Variants in HNRNPC observed in about 807,000 individuals in gnomAD.
HNRNPC encodes the protein heterogeneous nuclear ribonucleoprotein C, also known as heterogeneous nuclear ribonucleoproteins C1/C2.
In HNRNPC, 3 loss-of-function variants were observed where a neutral mutation model predicts 33.2. The ratio of observed to expected loss-of-function variants is 0.09; its 90% CI spans 0.04 to 0.23. The LOEUF (loss-of-function observed/expected upper bound fraction) is 0.23, where lower values mean the gene tolerates loss of function less well. HNRNPC is among the 10% of genes least tolerant of loss of function. The pLI, the probability that HNRNPC is intolerant of heterozygous loss-of-function variation, is 1.00. For missense variants in HNRNPC, 143 were observed against 366.7 expected (o/e 0.39, Z 4.98); for synonymous variants, 121 against 126.7 (o/e 0.96, Z 0.30).
At position 21,256,861 on chromosome 14, in the gene HNRNPC, C is replaced by G. The variant is rs371442183; in HGVS notation, c.-37+6450G>C. On this transcript the variant is annotated intron_variant, in intron 2 of 8. Coordinates refer to ENST00000553300, the MANE Select transcript of HNRNPC (RefSeq NM_004500.4). ...AAGAGACAGGGTTTCACCATGTTGCCCAGGCCGGTCTCAAACCCCTGAGCT... is the reference window on the plus strand; with the variant it reads ...AAGAGACAGGGTTTCACCATGTTGCGCAGGCCGGTCTCAAACCCCTGAGCT... Among the ~76,000 whole-genome samples, 9 of 152,200 alleles carry G rather than the reference C, an allele frequency of 5.9e-5. No individual in the cohort carries two copies. In the East Asian group the frequency reaches 1.2e-3, roughly 20 times the overall value.
chr14:21,213,339 T>C, intron 5 of HNRNPC: 1 of 496,998 alleles, frequency 2.0e-6, no homozygotes, highest in Non-Finnish European at 3.6e-6. Flanking sequence ...TGTAGCAACT[T>C]TTCCTCAGGA....
chr14:21,235,043 C>T (rs1321746028), intron 2 of HNRNPC, among the ~76,000 whole-genome samples: 1 of 152,166 alleles, frequency 6.6e-6, no homozygotes, highest in Non-Finnish European at 1.5e-5. Flanking sequence ...GAAAAATACA[C>T]AACTTTCCAC....
chr14:21,221,555 G>A (rs958367882), intron 5 of HNRNPC, among the ~76,000 whole-genome samples: 13 of 152,064 alleles, frequency 8.5e-5, no homozygotes, highest in African/African-American at 2.7e-4. Flanking sequence ...TCTACAAAAC[G>A]ACTTAGCACA....
chr14:21,214,684 T>A (rs1348841186), intron 5 of HNRNPC, among the ~76,000 whole-genome samples: 1 of 152,238 alleles, frequency 6.6e-6, no homozygotes, highest in Non-Finnish European at 1.5e-5. Context: ...ACTGAGTAAC[T>A]TTTTATTATC....
chr14:21,268,576 C>T (rs1361500746), intron 1 of HNRNPC: 1 of 152,182 alleles, frequency 6.6e-6, no homozygotes, highest in African/African-American at 2.4e-5. Flanking sequence ...TAGCAACCAA[C>T]ACTTTTCTGC....
rs1891414799 is a variant in HNRNPC, at chr14:21,209,603, C to T, written c.*1620G>A. 6.6e-6 allele frequency: 1 copy of T among 152,156 alleles called. No homozygotes were observed. The highest frequency in any genetic ancestry group is 6.5e-5 in the Admixed American group (1 of 15,272). The allele number at this position is 152,156 out of a possible 1,614,324, so 9.4% of individuals were successfully genotyped here. A position where few individuals can be genotyped will look rare whatever the true frequency, so the allele number is the denominator to read the frequency against. ...CTCCAAGGGTAGTTCATACTTCAGC[C>T]TCTTCATTCTTTTCTGCTTTTGTCA... On this transcript the variant is annotated 3_prime_UTR_variant, in exon 9 of 9. Transcript: ENST00000553300.
At chr14:21,232,186 T>C (rs1338868232) in intron 3 of HNRNPC, among the ~76,000 whole-genome samples, 2 of 152,176 alleles carry the variant, frequency 1.3e-5, no homozygotes, top group Non-Finnish European at 2.9e-5. Context: ...ATCTTCTCCT[T>C]GTTCTAAAAA....
intron 1 of HNRNPC, among the ~76,000 whole-genome samples, chr14:21,267,077 C>CA (rs35992313): frequency 0.39 from 51,876 of 131,584 alleles, 9,373 homozygotes; most frequent in Admixed American, 0.5. Context: ...CCTAGGGCGA[C>CA]AGAGCGAGAC....
chr14:21,245,088 A>T (rs1330860163), intron 2 of HNRNPC, among the ~76,000 whole-genome samples: 2 of 110,116 alleles, frequency 1.8e-5, no homozygotes, highest in Non-Finnish European at 1.9e-5. Context: ...CCATCTCAAA[A>T]AAAAAAAAAA....
chr14:21,254,087 C>T (rs979123385), intron 2 of HNRNPC, among the ~76,000 whole-genome samples: 2 of 133,498 alleles, frequency 1.5e-5, no homozygotes, highest in Non-Finnish European at 1.6e-5. Flanking sequence ...AAAGTGCATA[C>T]TCTGCCCACC....
At chr14:21,221,878 T>TCTA (rs199837288) in intron 5 of HNRNPC, among the ~76,000 whole-genome samples, 654 of 151,764 alleles carry the variant, frequency 4.3e-3, no homozygotes, top group African/African-American at 0.015. Context: ...AAACCACGTC[T>TCTA]CTACTAAAAA....
At chr14:21,235,623 G>C (rs1428932210) in intron 2 of HNRNPC, among the ~76,000 whole-genome samples, 1 of 152,038 alleles carries the variant, frequency 6.6e-6, no homozygotes, top group Admixed American at 6.6e-5. Flanking sequence ...ACAAACAGTA[G>C]CCACTGAAAT....
chr14:21,255,451 A>C (rs1407088518), intron 2 of HNRNPC, among the ~76,000 whole-genome samples: 2 of 152,210 alleles, frequency 1.3e-5, no homozygotes, highest in Non-Finnish European at 2.9e-5. Flanking sequence ...AGCTCTCCCA[A>C]ATGTTGATAC....
At chr14:21,239,070 G>A (rs1421841525) in intron 2 of HNRNPC, among the ~76,000 whole-genome samples, 1 of 151,476 alleles carries the variant, frequency 6.6e-6, no homozygotes, top group Non-Finnish European at 1.5e-5. Context: ...GTTGCAGTGA[G>A]CCGAGATCGT....
intron 2 of HNRNPC, among the ~76,000 whole-genome samples, chr14:21,258,777 A>G (rs1004639602): frequency 2.0e-5 from 3 of 152,204 alleles, no homozygotes; most frequent in Admixed American, 6.5e-5. Context: ...TTCTCAACCT[A>G]TCTTACTCAG....
chr14:21,239,471 T>A (rs1045006239), intron 2 of HNRNPC, among the ~76,000 whole-genome samples: 4 of 151,788 alleles, frequency 2.6e-5, no homozygotes, highest in Admixed American at 2.6e-4. Context: ...AGAGTGAGAT[T>A]CTACCTCAAA....
intron 4 of HNRNPC, chr14:21,230,713 G>C (rs1050190262): frequency 6.1e-6 from 3 of 488,798 alleles, no homozygotes; most frequent in Admixed American, 3.7e-5. Flanking sequence ...TCCTGTATAA[G>C]TATTTCAGGT....
chr14:21,237,728 GT>G (rs1894865780), intron 2 of HNRNPC, among the ~76,000 whole-genome samples: 1 of 152,054 alleles, frequency 6.6e-6, no homozygotes, highest in Non-Finnish European at 1.5e-5. Flanking sequence ...TCCTTTTATA[GT>G]AGTACAATAG....
At chr14:21,235,253 T>C (rs149663213) in intron 2 of HNRNPC, among the ~76,000 whole-genome samples, 9 of 150,348 alleles carry the variant, frequency 6.0e-5, no homozygotes, top group South Asian at 2.1e-4. Context: ...ATTCTTAAGA[T>C]TGATTTCCCC....
Sources: gnomAD v4.1 joint callset for allele counts (sites outside exome capture counted in the v4.1 genomes callset) on GRCh38, gnomAD v4.1.1 for gene constraint, MANE v1.5 for transcripts, NCBI Gene and HGNC (gene_info 2026-07-23, HGNC 2026-07-21) for gene names.